Variants in COL19A1 observed in about 807,000 individuals in gnomAD.
The protein encoded by COL19A1 is collagen type XIX alpha 1 chain.
Under a neutral mutation model 190.2 loss-of-function variants are expected in COL19A1, and 159 were observed. The observed-to-expected ratio is 0.84, with a 90% confidence interval of 0.73 to 0.95. COL19A1 has a LOEUF of 0.95. Ranked by LOEUF, COL19A1 falls within the 40% of genes least tolerant of loss-of-function variation. The pLI is 0.00. For missense variants in COL19A1, 1,418 were observed against 1,431.9 expected (o/e 0.99, Z 0.16); for synonymous variants, 509 against 458.9 (o/e 1.11, Z -1.39).
chr6:69,921,281 T>C (rs968634434), intron 4 of COL19A1, among the ~76,000 whole-genome samples: 1 of 132,682 alleles, frequency 7.5e-6, no homozygotes, highest in Non-Finnish European at 1.5e-5. Flanking sequence ...ATATATCATA[T>C]ATCATATATC....
At chr6:70,148,098 A>G (rs1373575140) in intron 27 of COL19A1, among the ~76,000 whole-genome samples, 1 of 152,066 alleles carries the variant, frequency 6.6e-6, no homozygotes, top group Non-Finnish European at 1.5e-5. Flanking sequence ...CCAGCCTGGA[A>G]GCTCTCTAAA....
intron 16 of COL19A1, among the ~76,000 whole-genome samples, chr6:70,108,410 T>G (rs1388071087): frequency 1.3e-5 from 2 of 152,120 alleles, no homozygotes; most frequent in Admixed American, 1.3e-4. Flanking sequence ...AAACAGAAAT[T>G]CAAAAAATTT....
intron 15 of COL19A1, among the ~76,000 whole-genome samples, chr6:70,082,909 G>T (rs1244844875): frequency 6.6e-6 from 1 of 151,914 alleles, no homozygotes; most frequent in Non-Finnish European, 1.5e-5. Flanking sequence ...GCCATGAGTG[G>T]TTCACAATAG....
Position 70,207,430 on chromosome 6 carries a change from C to A in COL19A1, c.*156C>A. ...TAAAAGCAACCGTTTGAATCCTATT[C>A]CTATAGCAATTGCAAATCAGCATTT... is the stretch of plus-strand genomic sequence containing the variant. On this transcript the variant is annotated 3_prime_UTR_variant, in exon 51 of 51. Coordinates refer to ENST00000620364, the MANE Select transcript of COL19A1 (RefSeq NM_001858.6). 1 of 591,772 alleles carries A rather than the reference C, an allele frequency of 1.7e-6. No individual in the cohort carries two copies. The highest frequency in any genetic ancestry group is 2.5e-6 in the Non-Finnish European group (1 of 406,728). 36.7% of individuals were successfully genotyped at this position (591,772 alleles called of 1,614,324 possible).
At chr6:70,117,999 T>A (rs1784677510) in intron 16 of COL19A1, among the ~76,000 whole-genome samples, 1 of 152,328 alleles carries the variant, frequency 6.6e-6, no homozygotes, top group African/African-American at 2.4e-5. Context: ...TGTCTTTTGA[T>A]GGGTCCTTGT....
chr6:70,150,688 G>A (rs774460261), intron 30 of COL19A1, among the ~76,000 whole-genome samples: 1 of 152,106 alleles, frequency 6.6e-6, no homozygotes, highest in Non-Finnish European at 1.5e-5. Context: ...TCAGTTCTAA[G>A]CCTCACAAAT....
intron 9 of COL19A1, among the ~76,000 whole-genome samples, chr6:69,954,460 G>A (rs143024770): frequency 6.2e-4 from 94 of 152,080 alleles, no homozygotes; most frequent in Middle Eastern, 3.4e-3. Context: ...AGAAAACTTC[G>A]CTGAGGAAAG....
chr6:70,004,474 C>G (rs1163656596), intron 11 of COL19A1, among the ~76,000 whole-genome samples: 2 of 152,136 alleles, frequency 1.3e-5, no homozygotes, highest in African/African-American at 2.4e-5. Flanking sequence ...TGTTTTCCAG[C>G]TTGTTTCCAT....
intron 14 of COL19A1, among the ~76,000 whole-genome samples, chr6:70,046,720 T>A (rs1205032049): frequency 1.3e-5 from 2 of 152,298 alleles, no homozygotes; most frequent in Non-Finnish European, 2.9e-5. Flanking sequence ...TTTTACCATG[T>A]CTTGCCTTAT....
At chr6:70,088,024 C>T (rs1045729198) in intron 15 of COL19A1, among the ~76,000 whole-genome samples, 1 of 152,102 alleles carries the variant, frequency 6.6e-6, no homozygotes, top group Non-Finnish European at 1.5e-5. Flanking sequence ...TGTGTTCAGC[C>T]ACCTTCTACG....
In COL19A1 at chr6:70,210,547, A is replaced by C. The variant is rs1217650779; in HGVS notation, c.*3273A>C. 6.6e-6 allele frequency among the ~76,000 whole-genome samples: 1 copy of C among 152,184 alleles called. No individual in the cohort carries two copies. Among genetic ancestry groups the C allele is most frequent in the Non-Finnish European group, 1.5e-5 (1 of 68,010 alleles). On this transcript the variant is annotated 3_prime_UTR_variant, in exon 51 of 51. Transcript: ENST00000620364. ...TATATTAAAATACGTTGTCTGTGAA[A>C]ATTATCATTTGATATTTGGCTTATA... is the stretch of plus-strand genomic sequence containing the variant.
intron 7 of COL19A1, among the ~76,000 whole-genome samples, chr6:69,935,416 G>A (rs957481015): frequency 2.6e-5 from 4 of 152,014 alleles, no homozygotes; most frequent in African/African-American, 9.7e-5. Context: ...AATTCTAAGT[G>A]GGTCTTGGTT....
intron 15 of COL19A1, among the ~76,000 whole-genome samples, chr6:70,088,218 C>T (rs1782696018): frequency 6.6e-6 from 1 of 152,092 alleles, no homozygotes; most frequent in Non-Finnish European, 1.5e-5. Flanking sequence ...CTCTTAAATG[C>T]CTCTCAGATC....
intron 15 of COL19A1, among the ~76,000 whole-genome samples, chr6:70,076,633 A>G (rs935241615): frequency 1.3e-5 from 2 of 152,168 alleles, no homozygotes; most frequent in African/African-American, 4.8e-5. Flanking sequence ...TTGTGACTTC[A>G]GCCAAATCAC....
chr6:69,961,884 G>T (rs2150046161), intron 10 of COL19A1, among the ~76,000 whole-genome samples: 1 of 152,148 alleles, frequency 6.6e-6, no homozygotes, highest in Admixed American at 6.5e-5. Flanking sequence ...TTAAAAGCTG[G>T]CATTCCCTTT....
intron 11 of COL19A1, among the ~76,000 whole-genome samples, chr6:69,963,402 G>A (rs969562561): frequency 6.6e-6 from 1 of 152,194 alleles, no homozygotes; most frequent in Admixed American, 6.5e-5. Flanking sequence ...CAGTATCCCA[G>A]GTCAGGTTAC....
At chr6:69,965,839 T>C (rs935487165) in intron 11 of COL19A1, among the ~76,000 whole-genome samples, 5 of 152,108 alleles carry the variant, frequency 3.3e-5, no homozygotes, top group African/African-American at 9.7e-5. Context: ...CCAAGGATCC[T>C]TGGGCTCTCC....
intron 1 of COL19A1, among the ~76,000 whole-genome samples, chr6:69,875,441 C>A (rs759224262): frequency 8.5e-5 from 13 of 152,170 alleles, no homozygotes; most frequent in Non-Finnish European, 1.6e-4. Context: ...TAGAGAATAA[C>A]TGTGGTCAGA....
intron 15 of COL19A1, among the ~76,000 whole-genome samples, chr6:70,075,036 T>G (rs547417340): frequency 6.6e-6 from 1 of 152,364 alleles, no homozygotes; most frequent in African/African-American, 2.4e-5. Flanking sequence ...ATTCTACAAC[T>G]ATTGGTTCAT....
Sources: gnomAD v4.1 joint callset for allele counts (sites outside exome capture counted in the v4.1 genomes callset) on GRCh38, gnomAD v4.1.1 for gene constraint, MANE v1.5 for transcripts, NCBI Gene and HGNC (gene_info 2026-07-23, HGNC 2026-07-21) for gene names.